Variants in C12orf54 observed in about 807,000 individuals in gnomAD.
C12orf54 encodes chromosome 12 open reading frame 54, also known as uncharacterized protein C12orf54.
C12orf54 carries 24 observed loss-of-function variants against 26.4 expected under a neutral mutation model. That is an observed-to-expected ratio of 0.91 (90% CI 0.66 to 1.28). C12orf54 has a LOEUF of 1.28. Ranked by LOEUF, C12orf54 falls within the 50% of genes most tolerant of loss-of-function variation. The pLI, the probability that C12orf54 is intolerant of heterozygous loss-of-function variation, is 0.00. For missense variants in C12orf54, 154 were observed against 150.9 expected (o/e 1.02, Z -0.11); for synonymous variants, 54 against 47.0 (o/e 1.15, Z -0.61).
chr12:48,475,893 G>A, the C12orf54 span, among the ~76,000 whole-genome samples: 1 of 151,874 alleles, frequency 6.6e-6, no homozygotes, highest in Non-Finnish European at 1.5e-5. Flanking sequence ...GAAATACAGA[G>A]AACGCCACAA....
the C12orf54 span, among the ~76,000 whole-genome samples, chr12:48,460,329 A>G: frequency 3.3e-5 from 5 of 152,328 alleles, no homozygotes; most frequent in South Asian, 1.0e-3. Flanking sequence ...AGGTGAAATA[A>G]TGTAAATATT....
the C12orf54 span, among the ~76,000 whole-genome samples, chr12:48,455,926 TA>T: frequency 3.3e-5 from 5 of 152,188 alleles, no homozygotes; most frequent in African/African-American, 1.2e-4. Context: ...TCACAATGGT[TA>T]AATAGTGATA....
At chr12:48,431,664 C>G in the C12orf54 span, among the ~76,000 whole-genome samples, 2 of 151,950 alleles carry the variant, frequency 1.3e-5, no homozygotes, top group Non-Finnish European at 2.9e-5. Flanking sequence ...TAAAAACCTT[C>G]GAGAAAGTGA....
At chr12:48,478,091 A>G (rs1047301934), upstream of C12orf54, among the ~76,000 whole-genome samples, 1 of 152,340 alleles carries the variant, frequency 6.6e-6, no homozygotes, top group Non-Finnish European at 1.5e-5. Flanking sequence ...GGCTGGTTCA[A>G]CATACACAAA....
At chr12:48,454,857 A>G in the C12orf54 span, among the ~76,000 whole-genome samples, 73,535 of 152,072 alleles carry the variant, frequency 0.48, 19,551 homozygotes, top group East Asian at 0.81. Context: ...CAGACCTTAC[A>G]GCTAGGACAC....
At chr12:48,435,609 A>G in the C12orf54 span, among the ~76,000 whole-genome samples, 3 of 152,256 alleles carry the variant, frequency 2.0e-5, no homozygotes. Flanking sequence ...CCAATATTCA[A>G]CATTCTTAAA....
the C12orf54 span, among the ~76,000 whole-genome samples, chr12:48,451,303 A>G: frequency 6.6e-6 from 1 of 152,068 alleles, no homozygotes; most frequent in Non-Finnish European, 1.5e-5. Context: ...TAAAAAAAAA[A>G]ACTTCTCAAT....
chr12:48,477,075 A>G, the C12orf54 span, among the ~76,000 whole-genome samples: 1 of 152,354 alleles, frequency 6.6e-6, no homozygotes, highest in Non-Finnish European at 1.5e-5. Flanking sequence ...TCAAACTAGA[A>G]CTCAGGATTA....
chr12:48,419,011 A>G, the C12orf54 span, among the ~76,000 whole-genome samples: 2 of 152,064 alleles, frequency 1.3e-5, no homozygotes, highest in East Asian at 3.9e-4. Flanking sequence ...AGAGATCATT[A>G]TAACAGCAGA....
At position 48,483,215 on chromosome 12, in the gene C12orf54, C is replaced by T. The variant is rs570105974; in HGVS notation, c.-57-25C>T. 211 of 1,243,174 alleles carry T rather than the reference C, an allele frequency of 1.7e-4. No individual in the cohort carries two copies. The Middle Eastern group carries it at 4.5e-3, about 27-fold the overall frequency. 77.0% of individuals were successfully genotyped at this position (1,243,174 alleles called of 1,614,324 possible). On this transcript the variant is annotated intron_variant, in intron 1 of 8. Transcript: ENST00000548364. The stretch of plus-strand genomic sequence containing the variant: ...CTTCTCACCATGTACCTGCCTTCTC[C>T]GCATATTCATTTATGCCTCTCCAGG...
chr12:48,464,273 C>T, the C12orf54 span, among the ~76,000 whole-genome samples: 1 of 152,066 alleles, frequency 6.6e-6, no homozygotes, highest in Non-Finnish European at 1.5e-5. Context: ...TTTCTATACA[C>T]CAATAACAGC....
the C12orf54 span, among the ~76,000 whole-genome samples, chr12:48,475,343 C>T: frequency 5.9e-5 from 9 of 152,162 alleles, no homozygotes; most frequent in Admixed American, 5.2e-4. Context: ...AGCACCTCTC[C>T]TCCTCCAAAG....
the C12orf54 span, among the ~76,000 whole-genome samples, chr12:48,450,203 T>C: frequency 6.6e-6 from 1 of 152,174 alleles, no homozygotes; most frequent in South Asian, 2.1e-4. Context: ...AAAATATATA[T>C]GTATATGAAC....
chr12:48,440,070 C>T, the C12orf54 span, among the ~76,000 whole-genome samples: 1 of 151,802 alleles, frequency 6.6e-6, no homozygotes, highest in African/African-American at 2.4e-5. Flanking sequence ...ACTAAAAATA[C>T]AAAAATTCGC....
chr12:48,493,646 A>G (rs1250801280), intron 7 of C12orf54, among the ~76,000 whole-genome samples: 10 of 141,880 alleles, frequency 7.0e-5, no homozygotes, highest in East Asian at 2.1e-4. Flanking sequence ...AAAAAAAAAA[A>G]GGGATCCGGG....
At chr12:48,486,014 C>T (rs1380834553) in intron 2 of C12orf54, among the ~76,000 whole-genome samples, 164 bp from the exon 3 acceptor site, 1 of 152,180 alleles carries the variant, frequency 6.6e-6, no homozygotes, top group East Asian at 1.9e-4. Context: ...TCTCCCCACA[C>T]CTCCCATAAA....
the C12orf54 span, among the ~76,000 whole-genome samples, chr12:48,475,417 G>A: frequency 2.0e-5 from 3 of 152,212 alleles, no homozygotes; most frequent in African/African-American, 4.8e-5. Context: ...CGAGTTGAGA[G>A]AAGAAGGCTT....
At chr12:48,475,383 A>C in the C12orf54 span, among the ~76,000 whole-genome samples, 1 of 152,204 alleles carries the variant, frequency 6.6e-6, no homozygotes, top group South Asian at 2.1e-4. Context: ...CAACAGAACA[A>C]AGCTGGATGG....
chr12:48,441,558 A>G, the C12orf54 span, among the ~76,000 whole-genome samples: 1 of 151,972 alleles, frequency 6.6e-6, no homozygotes, highest in Non-Finnish European at 1.5e-5. Flanking sequence ...GTGAATAATG[A>G]CAGGGGTTGG....
Sources: allele counts gnomAD v4.1 joint callset (sites outside exome capture counted in the v4.1 genomes callset), GRCh38; gene constraint gnomAD v4.1.1; transcripts MANE v1.5; gene names NCBI Gene and HGNC (gene_info 2026-07-23, HGNC 2026-07-21).